The following COL5A2 variants were observed in gnomAD, a reference collection of about 807,000 sequenced individuals.
COL5A2 encodes the protein collagen alpha-2(V) chain.
A neutral mutation model predicts 208.2 loss-of-function variants in COL5A2; 23 were observed. The observed-to-expected ratio is 0.11, with a 90% confidence interval of 0.08 to 0.16. The LOEUF (loss-of-function observed/expected upper bound fraction) is 0.16. COL5A2 is among the 10% of genes least tolerant of loss of function. The pLI, the probability that COL5A2 is intolerant of heterozygous loss-of-function variation, is 1.00. For missense variants in COL5A2, 1,590 were observed against 1,956.4 expected (o/e 0.81, Z 3.53); for synonymous variants, 625 against 628.5 (o/e 0.99, Z 0.08).
chr2:189,270,385 A>T, the COL5A2 span, among the ~76,000 whole-genome samples: 1 of 152,178 alleles, frequency 6.6e-6, no homozygotes, highest in African/African-American at 2.4e-5. Context: ...TACCTTCTAC[A>T]CACTGCTTTA....
At chr2:189,250,291 T>A in the COL5A2 span, among the ~76,000 whole-genome samples, 3 of 152,102 alleles carry the variant, frequency 2.0e-5, no homozygotes, top group Non-Finnish European at 2.9e-5. Flanking sequence ...AACACCCCAT[T>A]TTACAGATGA....
In COL5A2 at chr2:189,118,271, T is replaced by C. The variant is rs149981399; in HGVS notation, c.98-7822A>G. ...CATATATTTTTACTCATTTTTGTAA[T>C]TGAAAATAATTATTATTGTATTTTA... On this transcript the variant is annotated intron_variant, in intron 1 of 53. Transcript: ENST00000374866. Among the ~76,000 whole-genome samples the C allele has an allele frequency of 9.5e-4, 145 of 152,152 alleles. 3 individuals carry two copies. The East Asian group carries it at 0.026, about 28-fold the overall frequency.
the COL5A2 span, chr2:189,311,150 C>T: frequency 1.4e-4 from 89 of 636,286 alleles, no homozygotes; most frequent in African/African-American, 1.6e-3. Flanking sequence ...TGAAGTGGAC[C>T]CCCAGCACTG....
At chr2:189,372,646 G>A in the COL5A2 span, among the ~76,000 whole-genome samples, 1 of 151,970 alleles carries the variant, frequency 6.6e-6, no homozygotes, top group South Asian at 2.1e-4. Flanking sequence ...ACTAGCAGGA[G>A]GATTTTTTAC....
At chr2:189,084,162 T>G in intron 11 of COL5A2, 125 bp from the exon 12 acceptor site, 2 of 699,814 alleles carry the variant, frequency 2.9e-6, no homozygotes, top group South Asian at 3.3e-5. Flanking sequence ...TACAATTCTC[T>G]AAACAGTGCA....
the COL5A2 span, among the ~76,000 whole-genome samples, chr2:189,348,713 G>A: frequency 6.6e-6 from 1 of 152,186 alleles, no homozygotes; most frequent in African/African-American, 2.4e-5. Context: ...TTGCCTATGA[G>A]TTAATTGCTG....
chr2:189,051,130 T>C (rs759947062), intron 42 of COL5A2, among the ~76,000 whole-genome samples, 190 bp downstream of exon 42: 1 of 152,328 alleles, frequency 6.6e-6, no homozygotes, highest in African/African-American at 2.4e-5. Flanking sequence ...ATACCATATC[T>C]ATTACTGCTA....
intron 1 of COL5A2, among the ~76,000 whole-genome samples, chr2:189,164,324 C>T (rs1372143363): frequency 6.6e-6 from 1 of 152,086 alleles, no homozygotes; most frequent in East Asian, 1.9e-4. Flanking sequence ...AGAGAGACTA[C>T]AGTCCAGTTA....
At chr2:189,098,581 C>T (rs1686969725) in intron 5 of COL5A2, 146 bp downstream of exon 5, 1 of 678,388 alleles carries the variant, frequency 1.5e-6, no homozygotes, top group Admixed American at 2.3e-5. Flanking sequence ...CAATGTCTAA[C>T]TTGAAGATGG....
Position 189,159,792 on chromosome 2 carries a change from T to G in COL5A2, c.97+19716A>C, listed in dbSNP as rs1004547118. Among the ~76,000 whole-genome samples the G allele has an allele frequency of 3.9e-5, 6 of 152,120 alleles. No homozygotes were observed. The South Asian group carries it at 1.2e-3, about 32-fold the overall frequency. ...GCACTTTGGAAGGCCGAGGCTGAGGTACGAGAATCACTTTAACCCAAGAGG... is the reference window on the plus strand; with the variant it reads ...GCACTTTGGAAGGCCGAGGCTGAGGGACGAGAATCACTTTAACCCAAGAGG... On this transcript the variant is annotated intron_variant, in intron 1 of 53. Coordinates refer to ENST00000374866, the MANE Select transcript of COL5A2 (RefSeq NM_000393.5).
the COL5A2 span, among the ~76,000 whole-genome samples, chr2:189,358,540 T>C: frequency 6.6e-6 from 1 of 152,222 alleles, no homozygotes; most frequent in East Asian, 1.9e-4. Flanking sequence ...TTGCTCATAG[T>C]TGCTTTGGCT....
chr2:189,167,264 A>C (rs1688483494), intron 1 of COL5A2, among the ~76,000 whole-genome samples: 1 of 152,210 alleles, frequency 6.6e-6, no homozygotes. Flanking sequence ...TTATATGCTG[A>C]ATATACTAAA....
At chr2:189,203,377 T>A (rs1240687875) in intron 1 of COL5A2, among the ~76,000 whole-genome samples, 1 of 152,158 alleles carries the variant, frequency 6.6e-6, no homozygotes, top group Non-Finnish European at 1.5e-5. Context: ...CAGACCAGTA[T>A]TTGCTTTGGC....
chr2:189,189,892 C>T (rs996488572), intron 1 of COL5A2, among the ~76,000 whole-genome samples: 4 of 152,056 alleles, frequency 2.6e-5, no homozygotes, highest in African/African-American at 9.7e-5. Flanking sequence ...ATTGATTATA[C>T]CGCTTAGAAA....
the COL5A2 span, among the ~76,000 whole-genome samples, chr2:189,402,505 A>T: frequency 2.0e-5 from 3 of 152,240 alleles, no homozygotes; most frequent in Non-Finnish European, 4.4e-5. Context: ...GGCATGAGCC[A>T]CTGTGCCCGG....
chr2:189,201,353 A>G (rs1482777035), intron 1 of COL5A2, among the ~76,000 whole-genome samples: 1 of 152,060 alleles, frequency 6.6e-6, no homozygotes, highest in Non-Finnish European at 1.5e-5. Context: ...CAAAGGAGGC[A>G]GACTTAACAT....
At chr2:189,047,011 A>C (rs1170603094) in intron 45 of COL5A2, among the ~76,000 whole-genome samples, 4 of 152,012 alleles carry the variant, frequency 2.6e-5, no homozygotes, top group African/African-American at 9.7e-5. Context: ...AGTCCCAGCT[A>C]CTGGGGAGGC....
chr2:189,246,238 T>C, the COL5A2 span, among the ~76,000 whole-genome samples: 1 of 152,260 alleles, frequency 6.6e-6, no homozygotes, highest in East Asian at 1.9e-4. Flanking sequence ...CATTAGTAAA[T>C]TACTCATAAG....
At chr2:189,342,600 T>A in the COL5A2 span, among the ~76,000 whole-genome samples, 1 of 136,060 alleles carries the variant, frequency 7.3e-6, no homozygotes, top group East Asian at 2.0e-4. Context: ...TTTTTTTCTA[T>A]TCAGTTTACC....
Sources: allele counts gnomAD v4.1 joint callset (sites outside exome capture counted in the v4.1 genomes callset), GRCh38; gene constraint gnomAD v4.1.1; transcripts MANE v1.5; gene names NCBI Gene and HGNC (gene_info 2026-07-23, HGNC 2026-07-21).